ACOXL: variants seen among roughly 807,000 people sequenced by gnomAD.
ACOXL encodes the protein acyl-coenzyme A oxidase-like protein.
Under a neutral mutation model 71.9 loss-of-function variants are expected in ACOXL, and 70 were observed. The ratio of observed to expected loss-of-function variants is 0.97; its 90% CI spans 0.80 to 1.19. The LOEUF (loss-of-function observed/expected upper bound fraction) is 1.19, where lower values mean the gene tolerates loss of function less well. Ranked by LOEUF, ACOXL falls within the 50% of genes most tolerant of loss-of-function variation. ACOXL has a pLI of 0.00. For missense variants in ACOXL, 703 were observed against 736.3 expected, an observed-to-expected ratio of 0.95 and a Z score of 0.52; for synonymous variants, 253 against 281.6, an observed-to-expected ratio of 0.90 and a Z score of 1.02.
rs1177756041 is a variant in ACOXL, at chr2:110,949,650, T to TA, written c.1059+16015dup. 1.3e-4 allele frequency among the ~76,000 whole-genome samples: 19 copies of TA among 151,958 alleles called. No individual in the cohort carries two copies. The South Asian group carries it at 2.7e-3, about 22-fold the overall frequency. On this transcript the variant is annotated intron_variant, in intron 12 of 17. Transcript: ENST00000439055. ...AGAGGAATCAGCTCTTATTTTTTTT[T>TA]AAAAAAATCATTTTTGACTCCCTGA...
chr2:111,086,254 A>C (rs1385517703), intron 16 of ACOXL, among the ~76,000 whole-genome samples: 2 of 152,208 alleles, frequency 1.3e-5, no homozygotes, highest in African/African-American at 4.8e-5. Flanking sequence ...GCAGGGACAC[A>C]ACAACAAAAA....
intron 14 of ACOXL, among the ~76,000 whole-genome samples, chr2:111,017,732 T>C (rs983764910): frequency 6.6e-6 from 1 of 152,222 alleles, no homozygotes; most frequent in Non-Finnish European, 1.5e-5. Context: ...TAGAATTCCA[T>C]GTGGCAGCTC....
intron 14 of ACOXL, among the ~76,000 whole-genome samples, chr2:111,025,539 C>T (rs1373667728): frequency 1.3e-5 from 2 of 152,160 alleles, no homozygotes; most frequent in African/African-American, 4.8e-5. Context: ...AGTACCTTCT[C>T]ATTGTGGTCT....
At position 110,887,047 on chromosome 2, in the gene ACOXL, G is replaced by A. The variant is rs1007675775; in HGVS notation, c.789-21742G>A. 8 of 604,250 alleles carry A rather than the reference G, an allele frequency of 1.3e-5. 1 individual carries two copies. The highest frequency in any genetic ancestry group is 9.1e-5 in the South Asian group (4 of 43,954). The allele number at this position is 604,250 out of a possible 1,614,324, so 37.4% of individuals were successfully genotyped here. On this transcript the variant is annotated intron_variant, in intron 10 of 17. Coordinates refer to ENST00000439055, the MANE Select transcript of ACOXL (RefSeq NM_001142807.4). The stretch of plus-strand genomic sequence containing the variant: ...TAGGAGATGCTGGCCTGGCGTCCAC[G>A]GGTCTGCTGTGTATGTCTCTCCAGG...
At chr2:110,919,597 A>G (rs1172497959) in intron 11 of ACOXL, among the ~76,000 whole-genome samples, 11 of 152,264 alleles carry the variant, frequency 7.2e-5, no homozygotes, top group East Asian at 5.8e-4. Context: ...GTATGGTTCT[A>G]TAGGTTTTGA....
At chr2:110,777,783 C>T (rs991915264) in intron 2 of ACOXL, among the ~76,000 whole-genome samples, 2 of 152,182 alleles carry the variant, frequency 1.3e-5, no homozygotes, top group Non-Finnish European at 2.9e-5. Flanking sequence ...CAGCACTGAC[C>T]TCCTGTGTGT....
At chr2:110,762,291 T>C (rs1204162854) in intron 1 of ACOXL, among the ~76,000 whole-genome samples, 1 of 152,240 alleles carries the variant, frequency 6.6e-6, no homozygotes, top group Non-Finnish European at 1.5e-5. Flanking sequence ...AAATTCATTC[T>C]ACCAATCTTT....
At chr2:110,886,889 A>G (rs1422299304) in intron 10 of ACOXL, 1 of 1,547,866 alleles carries the variant, frequency 6.5e-7, no homozygotes, top group East Asian at 2.4e-5. Context: ...AACGTTTCTT[A>G]CGCTTGCTCG....
intron 10 of ACOXL, among the ~76,000 whole-genome samples, chr2:110,870,373 A>G (rs928043383): frequency 2.0e-5 from 3 of 151,714 alleles, no homozygotes; most frequent in East Asian, 3.9e-4. Context: ...AAAATCTTCT[A>G]AATCTTAACT....
At chr2:110,807,096 G>A (rs995350097) in intron 9 of ACOXL, among the ~76,000 whole-genome samples, 6 of 152,214 alleles carry the variant, frequency 3.9e-5, no homozygotes, top group Non-Finnish European at 1.5e-5. Flanking sequence ...GGCCACATTC[G>A]CATCAGTTCC....
intron 11 of ACOXL, among the ~76,000 whole-genome samples, chr2:110,910,806 A>T (rs1407540030): frequency 1.3e-5 from 2 of 152,100 alleles, no homozygotes; most frequent in Admixed American, 1.3e-4. Context: ...TGTTTATCTT[A>T]TTGTTATTGA....
At position 110,939,700 on chromosome 2, in the gene ACOXL, C is replaced by T. The variant is rs905593639; in HGVS notation, c.1059+6058C>T. Among the ~76,000 whole-genome samples, 6 of 152,336 alleles carry T rather than the reference C, an allele frequency of 3.9e-5. No homozygotes were observed. In the South Asian group the frequency reaches 6.2e-4, roughly 16 times the overall value. The stretch of plus-strand genomic sequence containing the variant: ...AATCAAACCTGTCCAACCCGTGGCC[C>T]TCAGGCCTCATGCAGCCCTGGATGG... On this transcript the variant is annotated intron_variant, in intron 12 of 17. Coordinates refer to ENST00000439055, the MANE Select transcript of ACOXL (RefSeq NM_001142807.4).
intron 9 of ACOXL, among the ~76,000 whole-genome samples, chr2:110,814,584 A>G (rs983983258): frequency 3.9e-5 from 6 of 152,210 alleles, no homozygotes; most frequent in African/African-American, 1.4e-4. Flanking sequence ...ACAGGCTCTA[A>G]GAAGGGAAGC....
At chr2:110,838,640 A>G (rs1038855048) in intron 9 of ACOXL, among the ~76,000 whole-genome samples, 3 of 152,212 alleles carry the variant, frequency 2.0e-5, no homozygotes, top group Non-Finnish European at 4.4e-5. Context: ...TACACAGCTC[A>G]TTTGCCTCAT....
intron 9 of ACOXL, among the ~76,000 whole-genome samples, chr2:110,827,993 C>T (rs1689360514): frequency 6.6e-6 from 1 of 152,156 alleles, no homozygotes; most frequent in African/African-American, 2.4e-5. Flanking sequence ...TTATTTGAGA[C>T]AGAATCTTGC....
intron 10 of ACOXL, among the ~76,000 whole-genome samples, chr2:110,907,123 G>A (rs1024990672): frequency 2.0e-5 from 3 of 152,224 alleles, no homozygotes; most frequent in African/African-American, 7.2e-5. Context: ...CAAGTCAAAA[G>A]TCAAGGCACT....
chr2:111,008,349 C>G (rs376506991), intron 14 of ACOXL, among the ~76,000 whole-genome samples: 5 of 152,146 alleles, frequency 3.3e-5, no homozygotes, highest in Admixed American at 3.3e-4. Flanking sequence ...CCAGCTACCC[C>G]CTTTCCATCA....
intron 15 of ACOXL, among the ~76,000 whole-genome samples, chr2:111,038,193 G>A (rs3789082): frequency 0.17 from 25,450 of 152,070 alleles, 2,171 homozygotes; most frequent in East Asian, 0.23. Flanking sequence ...TGAGGAAACC[G>A]AGGCACAGAG....
chr2:111,056,657 A>G (rs2066555732), intron 16 of ACOXL, among the ~76,000 whole-genome samples: 1 of 151,798 alleles, frequency 6.6e-6, no homozygotes, highest in Non-Finnish European at 1.5e-5. Context: ...GTGTGGTGGC[A>G]CATGCCTGTA....
Sources: allele counts gnomAD v4.1 joint callset (sites outside exome capture counted in the v4.1 genomes callset), GRCh38; gene constraint gnomAD v4.1.1; transcripts MANE v1.5; gene names NCBI Gene and HGNC (gene_info 2026-07-23, HGNC 2026-07-21).